Variants in IL1RAPL1 observed in about 807,000 individuals in gnomAD.
The protein encoded by IL1RAPL1 is interleukin-1 receptor accessory protein-like 1.
Under a neutral mutation model 48.4 loss-of-function variants are expected in IL1RAPL1, and 3 were observed. The observed-to-expected ratio is 0.06, with a 90% CI of 0.03 to 0.16. The LOEUF (loss-of-function observed/expected upper bound fraction) is 0.16. IL1RAPL1 is among the 10% of genes least tolerant of loss of function. The probability of loss-of-function intolerance (pLI) is 1.00; values close to 1 mark genes in which losing one functional copy is unlikely to be tolerated. For missense variants in IL1RAPL1, 349 were observed against 530.6 expected, an observed-to-expected ratio of 0.66 and a Z score of 3.36; for synonymous variants, 185 against 187.7, an observed-to-expected ratio of 0.99 and a Z score of 0.12.
chrX:29,123,005 TTTTA>T (rs201703450), intron 2 of IL1RAPL1, among the ~76,000 whole-genome samples: 2,438 of 101,689 alleles, frequency 0.024, 70 homozygotes, highest in African/African-American at 0.074. Flanking sequence ...GAATAGCACG[TTTTA>T]TTTATTTATT....
chrX:29,835,534 G>C (rs1930974652), intron 6 of IL1RAPL1, among the ~76,000 whole-genome samples: 3 of 111,936 alleles, frequency 2.7e-5, no homozygotes, highest in African/African-American at 9.7e-5. Context: ...GAATGAACTT[G>C]GAAGTGTTCC....
At chrX:29,882,507 G>GT (rs1447669232) in intron 6 of IL1RAPL1, among the ~76,000 whole-genome samples, 1 of 111,620 alleles carries the variant, frequency 9.0e-6, no homozygotes, top group Admixed American at 9.6e-5. Context: ...GTCATTTTCT[G>GT]TAACAGACCA....
intron 2 of IL1RAPL1, among the ~76,000 whole-genome samples, chrX:29,089,438 C>T (rs1259957451): frequency 9.1e-6 from 1 of 109,510 alleles, no homozygotes; most frequent in Non-Finnish European, 1.9e-5. Flanking sequence ...TATAATTATA[C>T]AAAACAGTGT....
At chrX:29,630,502 T>A (rs1162335745) in intron 5 of IL1RAPL1, among the ~76,000 whole-genome samples, 1 of 110,216 alleles carries the variant, frequency 9.1e-6, no homozygotes, top group African/African-American at 3.3e-5. Context: ...TTATTAGAAA[T>A]GAAACATTTA....
At chrX:29,766,068 C>T (rs1276921995) in intron 6 of IL1RAPL1, among the ~76,000 whole-genome samples, 1 of 108,592 alleles carries the variant, frequency 9.2e-6, no homozygotes, top group Non-Finnish European at 1.9e-5. Flanking sequence ...CGGTGGCTCA[C>T]GACTGTAATC....
rs1933921351 is a variant in IL1RAPL1, at chrX:29,396,535, GAT to G, written c.549+95_549+96del. ...TTGGATAGAAAACTTAGATGGGTGT[GAT>G]ATAGTTTAGCTTTGCCTTTCTAGAA... On this transcript the variant is annotated intron_variant, in intron 4 of 10. Transcript: ENST00000378993. 4 of 819,097 alleles carry G rather than the reference GAT, an allele frequency of 4.9e-6. No homozygotes were observed. The Admixed American group carries it at 8.8e-5, about 18-fold the overall frequency. 67.5% of individuals were successfully genotyped at this position (819,097 alleles called of 1,213,427 possible).
At chrX:29,362,259 T>C (rs1188524279) in intron 3 of IL1RAPL1, among the ~76,000 whole-genome samples, 2 of 112,565 alleles carry the variant, frequency 1.8e-5, no homozygotes, top group Non-Finnish European at 3.8e-5. Flanking sequence ...TTGAAAGCTT[T>C]TGAAAAACAT....
At chrX:29,609,358 G>A (rs908528539) in intron 5 of IL1RAPL1, among the ~76,000 whole-genome samples, 6 of 112,171 alleles carry the variant, frequency 5.3e-5, no homozygotes, top group East Asian at 2.8e-4. Flanking sequence ...TCTATAAATC[G>A]TTGCTTTAAC....
At chrX:29,149,468 C>T (rs560757989) in intron 2 of IL1RAPL1, among the ~76,000 whole-genome samples, 1 of 111,699 alleles carries the variant, frequency 9.0e-6, no homozygotes, top group African/African-American at 3.2e-5. Context: ...ATTGTCCCAT[C>T]GTCTGATGGC....
At chrX:29,667,198 T>C (rs1926024428) in intron 5 of IL1RAPL1, among the ~76,000 whole-genome samples, 1 of 112,450 alleles carries the variant, frequency 8.9e-6, no homozygotes, top group South Asian at 3.7e-4. Flanking sequence ...GAACAAAAGC[T>C]ATCAATCATA....
intron 3 of IL1RAPL1, among the ~76,000 whole-genome samples, chrX:29,305,876 G>A (rs766722359): frequency 8.9e-6 from 1 of 112,394 alleles, no homozygotes; most frequent in African/African-American, 3.2e-5. Context: ...ATAAATGAAT[G>A]AATGAATGAA....
intron 5 of IL1RAPL1, among the ~76,000 whole-genome samples, chrX:29,610,197 G>A (rs1005694486): frequency 5.4e-5 from 6 of 111,702 alleles, no homozygotes; most frequent in Non-Finnish European, 1.1e-4. Context: ...TGACTTACCT[G>A]TGTTTAATAT....
At chrX:29,113,986 A>G (rs1017829906) in intron 2 of IL1RAPL1, among the ~76,000 whole-genome samples, 1 of 111,525 alleles carries the variant, frequency 9.0e-6, no homozygotes, top group Non-Finnish European at 1.9e-5. Context: ...GTAATGCATT[A>G]TATCTTCTTT....
intron 6 of IL1RAPL1, among the ~76,000 whole-genome samples, chrX:29,758,325 C>T (rs190819371): frequency 2.5e-4 from 27 of 109,414 alleles, no homozygotes; most frequent in African/African-American, 4.7e-4. Flanking sequence ...TATGGCAAGA[C>T]GGGGAAAGAA....
chrX:28,663,975 C>T (rs778842909), intron 1 of IL1RAPL1, among the ~76,000 whole-genome samples: 4 of 112,232 alleles, frequency 3.6e-5, no homozygotes, highest in South Asian at 3.7e-4. Context: ...AGAATTCATT[C>T]GCATACATAT....
intron 5 of IL1RAPL1, among the ~76,000 whole-genome samples, chrX:29,663,231 CTTTT>C (rs1449575170): frequency 9.3e-6 from 1 of 107,389 alleles, no homozygotes; most frequent in African/African-American, 3.8e-5. Context: ...TTTGTCAATT[CTTTT>C]AAGTTAAAAA....
At chrX:28,831,026 C>CTCTGTGTGTGTG (rs1438889606) in intron 2 of IL1RAPL1, among the ~76,000 whole-genome samples, 10 of 33,645 alleles carry the variant, frequency 3.0e-4, no homozygotes, top group Non-Finnish European at 4.4e-4. Context: ...CTCTCTCTCT[C>CTCTGTGTGTGTG]TGTGTGTGTG....
At chrX:28,730,887 A>C (rs1319872296) in intron 1 of IL1RAPL1, among the ~76,000 whole-genome samples, 4 of 111,802 alleles carry the variant, frequency 3.6e-5, no homozygotes, top group Non-Finnish European at 7.5e-5. Context: ...TGTAAATTTG[A>C]CTCTAATTAA....
At chrX:29,084,731 G>A (rs189774090) in intron 2 of IL1RAPL1, among the ~76,000 whole-genome samples, 2 of 112,299 alleles carry the variant, frequency 1.8e-5, no homozygotes, top group East Asian at 5.6e-4. Flanking sequence ...CAGTCTTGTC[G>A]CCCAGGCTGG....
Sources: gnomAD v4.1 joint callset for allele counts (sites outside exome capture counted in the v4.1 genomes callset) on GRCh38, gnomAD v4.1.1 for gene constraint, MANE v1.5 for transcripts, NCBI Gene and HGNC (gene_info 2026-07-23, HGNC 2026-07-21) for gene names.